PIK3CA: variants seen among roughly 807,000 people sequenced by gnomAD.
PIK3CA encodes phosphatidylinositol-4,5-bisphosphate 3-kinase catalytic subunit alpha.
A neutral mutation model predicts 138.2 loss-of-function variants in PIK3CA; 27 were observed. The observed-to-expected ratio is 0.20, with a 90% CI of 0.14 to 0.27. The LOEUF is 0.27. PIK3CA is among the 10% of genes least tolerant of loss of function. PIK3CA has a pLI of 1.00. For missense variants in PIK3CA, 544 were observed against 1,277.4 expected, an observed-to-expected ratio of 0.43 and a Z score of 8.75; for synonymous variants, 358 against 413.2, an observed-to-expected ratio of 0.87 and a Z score of 1.62.
intron 1 of PIK3CA, among the ~76,000 whole-genome samples, chr3:179,164,447 A>G (rs1336216018): frequency 1.3e-5 from 2 of 152,190 alleles, no homozygotes; most frequent in Non-Finnish European, 2.9e-5. Flanking sequence ...TGTGGGAAGC[A>G]CTCTAGAAAG....
At chr3:179,197,491 C>T (rs905469357) in intron 1 of PIK3CA, among the ~76,000 whole-genome samples, 1 of 152,248 alleles carries the variant, frequency 6.6e-6, no homozygotes, top group Non-Finnish European at 1.5e-5. Context: ...ACCCTACACA[C>T]AGCATACACA....
At chr3:179,215,868 CAG>C (rs1412402224) in intron 9 of PIK3CA, among the ~76,000 whole-genome samples, 16 of 152,134 alleles carry the variant, frequency 1.1e-4, no homozygotes, top group African/African-American at 2.4e-4. Context: ...CAGCCTAGAG[CAG>C]AGTTTCCCAA....
chr3:179,228,271 G>T (rs1332550023), intron 17 of PIK3CA, among the ~76,000 whole-genome samples: 4 of 151,858 alleles, frequency 2.6e-5, no homozygotes, highest in African/African-American at 9.7e-5. Context: ...AACAATTGTG[G>T]TTTTTTAGTA....
At chr3:179,175,535 T>C (rs1723675269) in intron 1 of PIK3CA, among the ~76,000 whole-genome samples, 3 of 152,150 alleles carry the variant, frequency 2.0e-5, no homozygotes, top group Admixed American at 6.5e-5. Context: ...CCTTGCCTTT[T>C]TTGGTAGTTC....
At chr3:179,166,952 G>A (rs942763748) in intron 1 of PIK3CA, among the ~76,000 whole-genome samples, 6 of 152,022 alleles carry the variant, frequency 3.9e-5, no homozygotes, top group Non-Finnish European at 7.4e-5. Flanking sequence ...AATTAGAGTC[G>A]TCTTGTAATA....
At chr3:179,222,543 T>C (rs1724991663) in intron 14 of PIK3CA, among the ~76,000 whole-genome samples, 1 of 152,154 alleles carries the variant, frequency 6.6e-6, no homozygotes, top group Admixed American at 6.6e-5. Context: ...GTTGAAAATA[T>C]CGTACAGGCA....
At chr3:179,150,586 G>A (rs545861515) in intron 1 of PIK3CA, among the ~76,000 whole-genome samples, 22 of 152,276 alleles carry the variant, frequency 1.4e-4, no homozygotes, top group Middle Eastern at 3.4e-3. Flanking sequence ...ATGGCTTCAT[G>A]GAAGTGTAAA....
In PIK3CA at chr3:179,234,666, CAA is replaced by C; in HGVS notation, c.*305_*306del. 1 of 266,746 alleles carries C rather than the reference CAA, an allele frequency of 3.7e-6. No homozygotes were observed. Among genetic ancestry groups the C allele is most frequent in the East Asian group, 5.5e-5 (1 of 18,024 alleles). 16.5% of individuals were successfully genotyped at this position (266,746 alleles called of 1,614,324 possible). On this transcript the variant is annotated 3_prime_UTR_variant, in exon 21 of 21. Coordinates refer to ENST00000263967, the MANE Select transcript of PIK3CA (RefSeq NM_006218.4). The surrounding 1 kb of genome is among the most constrained non-coding windows in gnomAD (Gnocchi z 5.1). The stretch of plus-strand genomic sequence containing the variant: ...TTGTATCTTTTTTTAAAAAACAAAA[CAA>C]AACAAAAATCCCCAAAATATATAGA...
intron 1 of PIK3CA, among the ~76,000 whole-genome samples, chr3:179,154,746 T>C (rs998134453): frequency 6.6e-6 from 1 of 152,204 alleles, no homozygotes; most frequent in African/African-American, 2.4e-5. Flanking sequence ...CTAATTATTA[T>C]TTTAAATTTA....
chr3:179,224,893 C>T (rs1397548212), intron 16 of PIK3CA, 72 bp downstream of exon 16: 1 of 1,065,850 alleles, frequency 9.4e-7, no homozygotes, highest in African/African-American at 1.6e-5. Flanking sequence ...TATTTATGAA[C>T]CATGAAAACT....
At chr3:179,165,661 A>C (rs1318166560) in intron 1 of PIK3CA, among the ~76,000 whole-genome samples, 1 of 152,146 alleles carries the variant, frequency 6.6e-6, no homozygotes, top group Admixed American at 6.5e-5. Context: ...AGTCTCATTA[A>C]TTTACTGTAA....
At chr3:179,183,267 T>G (rs1309709791) in intron 1 of PIK3CA, among the ~76,000 whole-genome samples, 1 of 152,208 alleles carries the variant, frequency 6.6e-6, no homozygotes, top group Non-Finnish European at 1.5e-5. Context: ...TACATCAGGA[T>G]ATAAAGTTAT....
chr3:179,151,445 CT>C (rs1179883291), intron 1 of PIK3CA, among the ~76,000 whole-genome samples: 1 of 152,128 alleles, frequency 6.6e-6, no homozygotes, highest in Non-Finnish European at 1.5e-5. Context: ...ATTTAATTTC[CT>C]TTACATCATG....
chr3:179,185,392 C>T (rs1426638933), intron 1 of PIK3CA, among the ~76,000 whole-genome samples: 1 of 152,154 alleles, frequency 6.6e-6, no homozygotes, highest in Non-Finnish European at 1.5e-5. Flanking sequence ...CTACAATAAT[C>T]AACACAGAAG....
At chr3:179,161,665 C>T (rs187352791) in intron 1 of PIK3CA, among the ~76,000 whole-genome samples, 1 of 152,262 alleles carries the variant, frequency 6.6e-6, no homozygotes, top group African/African-American at 2.4e-5. Flanking sequence ...CCACTGCACT[C>T]CAGCCTGGGT....
intron 9 of PIK3CA, among the ~76,000 whole-genome samples, chr3:179,211,534 G>A (rs1022659404): frequency 6.6e-6 from 1 of 152,138 alleles, no homozygotes; most frequent in Non-Finnish European, 1.5e-5. Context: ...GGGTGTGGTG[G>A]CATGTGCCTG....
chr3:179,210,812 T>C (rs1349097335), intron 9 of PIK3CA, among the ~76,000 whole-genome samples: 2 of 152,264 alleles, frequency 1.3e-5, no homozygotes, highest in African/African-American at 4.8e-5. Flanking sequence ...TGTAAAGCAC[T>C]GGGAAAGGCA....
intron 1 of PIK3CA, among the ~76,000 whole-genome samples, chr3:179,182,018 C>G (rs1184929848): frequency 6.6e-6 from 1 of 152,180 alleles, no homozygotes; most frequent in Non-Finnish European, 1.5e-5. Flanking sequence ...TTTCCCATTT[C>G]TCTTCACTTT....
At chr3:179,214,913 A>T (rs1724803544) in intron 9 of PIK3CA, among the ~76,000 whole-genome samples, 1 of 152,186 alleles carries the variant, frequency 6.6e-6, no homozygotes, top group African/African-American at 2.4e-5. Context: ...ACCACAGTAT[A>T]ATTATCTAGG....
Sources: gnomAD v4.1 joint callset for allele counts (sites outside exome capture counted in the v4.1 genomes callset) on GRCh38, gnomAD v4.1.1 for gene constraint, Gnocchi (gnomAD v3.1) non-coding constraint, MANE v1.5 for transcripts, NCBI Gene and HGNC (gene_info 2026-07-23, HGNC 2026-07-21) for gene names.